Variants in CCSER1 observed in about 807,000 individuals in gnomAD.
CCSER1 encodes serine-rich coiled-coil domain-containing protein 1.
A neutral mutation model predicts 82.0 loss-of-function variants in CCSER1; 41 were observed. The ratio of observed to expected loss-of-function variants is 0.50; its 90% CI spans 0.39 to 0.65. CCSER1 has a LOEUF of 0.65. CCSER1 is among the 30% of genes least tolerant of loss of function. The pLI is 0.00. For synonymous variants in CCSER1, 414 were observed against 383.9 expected (o/e 1.08, Z -0.92); for missense variants, 1,119 against 1,064.2 (o/e 1.05, Z -0.72).
intron 9 of CCSER1, among the ~76,000 whole-genome samples, chr4:90,937,702 A>C (rs1731126652): frequency 6.6e-6 from 1 of 152,090 alleles, no homozygotes; most frequent in Non-Finnish European, 1.5e-5. Context: ...TTTAGGTTTC[A>C]TTTTGGTTTC....
Position 91,576,244 on chromosome 4 carries a change from C to T in CCSER1, c.2218-22328C>T, listed in dbSNP as rs1010423790. On this transcript the variant is annotated intron_variant, in intron 10 of 10. Transcript: ENST00000509176. Reference sequence around the variant, plus strand: ...GCCTTTAAAAAGAAGGGTATTTTGTCATTTGTAACAATGTAGGTTTACCTG... The same window carrying T: ...GCCTTTAAAAAGAAGGGTATTTTGTTATTTGTAACAATGTAGGTTTACCTG... Among the ~76,000 whole-genome samples, 8 of 151,856 alleles carry T rather than the reference C, an allele frequency of 5.3e-5. 1 individual carries two copies. The East Asian group carries it at 1.2e-3, about 22-fold the overall frequency.
intron 5 of CCSER1, among the ~76,000 whole-genome samples, chr4:90,543,028 G>A (rs554384044): frequency 6.6e-6 from 1 of 151,848 alleles, no homozygotes; most frequent in East Asian, 1.9e-4. Flanking sequence ...TGGCATTTAG[G>A]GCCCATATAT....
At chr4:90,511,425 A>G (rs1042367547) in intron 5 of CCSER1, among the ~76,000 whole-genome samples, 1 of 152,190 alleles carries the variant, frequency 6.6e-6, no homozygotes, top group Non-Finnish European at 1.5e-5. Context: ...TCAAAAAAAG[A>G]AAGAAGATAA....
rs144208749 is a variant in CCSER1 at position 90,254,444 on chromosome 4, CA to C, written c.-41-53798del. Among the ~76,000 whole-genome samples, 451 of 152,282 alleles carry C rather than the reference CA, an allele frequency of 3.0e-3. 2 individuals carry two copies. Among genetic ancestry groups the C allele is most frequent in the African/African-American group, 0.011 (438 of 41,564 alleles). ...AACCTCCACCGTAAACTTGCTGAAA[CA>C]AGGACATTCAGGGCTCAGTATTATC... On this transcript the variant is annotated intron_variant, in intron 1 of 10. Transcript: ENST00000509176.
In CCSER1 at chr4:90,460,324, C is replaced by CAAAAAAAAAAAAAAA. The variant is rs751331396; in HGVS notation, c.1604-7903_1604-7889dup. Reference sequence around the variant, plus strand: ...TGGGCGACAGAGCGAAACTCCGTCTCAAAAAAAAAAAAAAAAAAAAACTAA... The same window carrying CAAAAAAAAAAAAAAA: ...TGGGCGACAGAGCGAAACTCCGTCTCAAAAAAAAAAAAAAAAAAAAAAAAAAAAAAAAAAAACTAA... On this transcript the variant is annotated intron_variant, in intron 4 of 10. Coordinates refer to ENST00000509176, the MANE Select transcript of CCSER1 (RefSeq NM_001145065.2). Among the ~76,000 whole-genome samples the CAAAAAAAAAAAAAAA allele has an allele frequency of 4.0e-4, 13 of 32,638 alleles. 2 individuals carry two copies. The highest frequency in any genetic ancestry group is 1.2e-3 in the African/African-American group (8 of 6,888). 21.4% of individuals were successfully genotyped at this position (32,638 alleles called of 152,430 possible). A position where few individuals can be genotyped will look rare whatever the true frequency, so the allele number is the denominator to read the frequency against.
At chr4:90,693,896 G>A (rs1172288991) in intron 6 of CCSER1, among the ~76,000 whole-genome samples, 1 of 147,002 alleles carries the variant, frequency 6.8e-6, no homozygotes, top group Non-Finnish European at 1.5e-5. Context: ...AGAAGAAAGA[G>A]AAAGAAAGAA....
intron 1 of CCSER1, among the ~76,000 whole-genome samples, chr4:90,304,264 C>G (rs376329912): frequency 1.3e-5 from 2 of 152,158 alleles, no homozygotes; most frequent in African/African-American, 2.4e-5. Flanking sequence ...TCTAGAACTA[C>G]AAATACCACT....
At chr4:91,257,079 T>G (rs1740749433) in intron 10 of CCSER1, among the ~76,000 whole-genome samples, 2 of 152,204 alleles carry the variant, frequency 1.3e-5, no homozygotes, top group South Asian at 4.1e-4. Flanking sequence ...AATTCATGTG[T>G]GGGTAGAAAG....
At chr4:90,266,204 T>G (rs990220295) in intron 1 of CCSER1, among the ~76,000 whole-genome samples, 18 of 152,146 alleles carry the variant, frequency 1.2e-4, no homozygotes, top group African/African-American at 4.3e-4. Flanking sequence ...TATGAAAGTA[T>G]TGAGATAGAT....
chr4:90,257,045 G>A (rs147959964), intron 1 of CCSER1, among the ~76,000 whole-genome samples: 69 of 152,046 alleles, frequency 4.5e-4, no homozygotes, highest in Middle Eastern at 3.4e-3. Flanking sequence ...GGGGGTCTTC[G>A]AAGATATGCC....
intron 10 of CCSER1, among the ~76,000 whole-genome samples, chr4:91,396,978 A>T (rs969035954): frequency 6.6e-6 from 1 of 151,956 alleles, no homozygotes; most frequent in Non-Finnish European, 1.5e-5. Context: ...CCCAAATGCA[A>T]TTGCCCTCCA....
At chr4:91,376,131 C>T (rs760932508) in intron 10 of CCSER1, among the ~76,000 whole-genome samples, 4 of 151,546 alleles carry the variant, frequency 2.6e-5, no homozygotes, top group Non-Finnish European at 5.9e-5. Context: ...ACAAAAATTC[C>T]GATAAATAAG....
intron 5 of CCSER1, among the ~76,000 whole-genome samples, chr4:90,494,380 T>C (rs566038451): frequency 2.5e-4 from 38 of 152,180 alleles, no homozygotes; most frequent in African/African-American, 8.2e-4. Context: ...AGCGAGGATA[T>C]CCAGGAATTG....
At chr4:90,533,572 G>A (rs1774912530) in intron 5 of CCSER1, among the ~76,000 whole-genome samples, 1 of 152,136 alleles carries the variant, frequency 6.6e-6, no homozygotes, top group Admixed American at 6.5e-5. Context: ...TGGTTTTTTA[G>A]AGCTCATAAC....
intron 1 of CCSER1, among the ~76,000 whole-genome samples, chr4:90,182,408 G>C (rs543404139): frequency 1.8e-3 from 280 of 152,186 alleles, no homozygotes; most frequent in African/African-American, 6.5e-3. Flanking sequence ...ATTGTTGTTA[G>C]CCCAGAAGCA....
At chr4:91,526,743 C>T (rs373728847) in intron 10 of CCSER1, among the ~76,000 whole-genome samples, 1 of 152,016 alleles carries the variant, frequency 6.6e-6, no homozygotes. Context: ...TACAGGTGCC[C>T]GCCACCACGC....
At chr4:91,472,082 A>G (rs888069832) in intron 10 of CCSER1, among the ~76,000 whole-genome samples, 4 of 152,160 alleles carry the variant, frequency 2.6e-5, no homozygotes, top group African/African-American at 9.7e-5. Flanking sequence ...CACACATGAA[A>G]AGAGGTGACC....
chr4:90,932,994 A>AG (rs1561385339), intron 9 of CCSER1, among the ~76,000 whole-genome samples: 6 of 60,404 alleles, frequency 9.9e-5, no homozygotes, highest in Admixed American at 1.8e-4. Context: ...GAAAGAAAGA[A>AG]AGAAAGAAAG....
chr4:90,616,683 T>TCACA lies in CCSER1; in HGVS notation c.1725-11289_1725-11286dup, dbSNP rs56988615. Among the ~76,000 whole-genome samples, 377 of 120,350 alleles carry TCACA rather than the reference T, an allele frequency of 3.1e-3. 1 individual carries two copies. Among genetic ancestry groups the TCACA allele is most frequent in the Middle Eastern group, 9.3e-3 (2 of 214 alleles). The allele number at this position is 120,350 out of a possible 152,430, so 79.0% of individuals were successfully genotyped here. Reference sequence around the variant, plus strand: ...CTGGGCCACAGAGTGTGGCTCTGTCTCACACACACACACACACACACACAC... The same window carrying TCACA: ...CTGGGCCACAGAGTGTGGCTCTGTCTCACACACACACACACACACACACACACAC... On this transcript the variant is annotated intron_variant, in intron 5 of 10. Coordinates refer to ENST00000509176, the MANE Select transcript of CCSER1 (RefSeq NM_001145065.2).
Sources: allele counts gnomAD v4.1 joint callset (sites outside exome capture counted in the v4.1 genomes callset), GRCh38; gene constraint gnomAD v4.1.1; transcripts MANE v1.5; gene names NCBI Gene and HGNC (gene_info 2026-07-23, HGNC 2026-07-21).